The following COL22A1 variants were observed in gnomAD, a reference collection of about 807,000 sequenced individuals.
COL22A1 encodes collagen alpha-1(XXII) chain.
Under a neutral mutation model 248.9 loss-of-function variants are expected in COL22A1, and 221 were observed. That is an observed-to-expected ratio of 0.89 (90% CI 0.80 to 0.99). The LOEUF is 0.99. Among genes scored for constraint, COL22A1 ranks in the 50% least tolerant of loss-of-function variants. The probability of loss-of-function intolerance (pLI) is 0.00; values close to 1 mark genes in which losing one functional copy is unlikely to be tolerated. For missense variants in COL22A1, 2,240 were observed against 2,179.0 expected (o/e 1.03, Z -0.56); for synonymous variants, 891 against 793.4 (o/e 1.12, Z -2.07).
chr8:138,783,125 G>A (rs1359927068), intron 12 of COL22A1, among the ~76,000 whole-genome samples: 1 of 152,082 alleles, frequency 6.6e-6, no homozygotes, highest in Non-Finnish European at 1.5e-5. Context: ...AGCCTAGCAA[G>A]CAGTCATTCA....
Position 138,794,334 on chromosome 8 carries a change from C to T in COL22A1, c.1596+2485G>A, listed in dbSNP as rs1816313671. On this transcript the variant is annotated intron_variant, in intron 12 of 64. Transcript: ENST00000303045. ...CCCAGGAGGCAGAGGTTGCAGTGAA[C>T]CAAGATCGTGCCATTGCACTCTAGC... Among the ~76,000 whole-genome samples the T allele has an allele frequency of 1.3e-5, 2 of 151,700 alleles. 1 individual carries two copies. The highest frequency in any genetic ancestry group is 1.3e-4 in the Admixed American group (2 of 15,242).
At chr8:138,762,541 T>TGACCGTCATGGACAAG (rs1833572067) in intron 16 of COL22A1, 75 bp from the exon 17 acceptor site, 1 of 1,393,300 alleles carries the variant, frequency 7.2e-7, no homozygotes, top group Non-Finnish European at 1.0e-6. Flanking sequence ...ATCCCCACAG[T>TGACCGTCATGGACAAG]GACCGTCATG....
At chr8:138,762,748 C>G (rs529069889) in intron 16 of COL22A1, among the ~76,000 whole-genome samples, 27 of 115,542 alleles carry the variant, frequency 2.3e-4, no homozygotes, top group African/African-American at 5.5e-4. Context: ...GCCACACAGT[C>G]TCTTCATCTC....
At chr8:138,620,943 ATC>A (rs1819735302) in intron 52 of COL22A1, among the ~76,000 whole-genome samples, 1 of 28,794 alleles carries the variant, frequency 3.5e-5, no homozygotes, top group East Asian at 1.2e-3. Flanking sequence ...CCAACCAAGC[ATC>A]CATCCATCCA....
chr8:138,844,811 G>A (rs997370216), intron 3 of COL22A1, among the ~76,000 whole-genome samples: 2 of 152,054 alleles, frequency 1.3e-5, no homozygotes, highest in South Asian at 2.1e-4. Flanking sequence ...TTAGCCGGGC[G>A]TGGTGGCAGG....
intron 13 of COL22A1, 143 bp downstream of exon 13, chr8:138,780,784 A>G (rs1814896520): frequency 1.4e-6 from 1 of 726,584 alleles, no homozygotes. Flanking sequence ...AGCTCCTGGT[A>G]TCTGCGAGGA....
chr8:138,597,422 C>A (rs1272421646), intron 61 of COL22A1, among the ~76,000 whole-genome samples: 1 of 152,154 alleles, frequency 6.6e-6, no homozygotes, highest in East Asian at 1.9e-4. Context: ...GCTACTTGGC[C>A]ACTCTGGTTC....
intron 12 of COL22A1, among the ~76,000 whole-genome samples, chr8:138,796,412 T>G (rs1816539263): frequency 2.8e-5 from 4 of 144,054 alleles, no homozygotes; most frequent in Admixed American, 6.9e-5. Context: ...TTTTTTTTTT[T>G]TTTTTTGGTT....
intron 3 of COL22A1, among the ~76,000 whole-genome samples, chr8:138,851,866 G>A (rs1017559547): frequency 6.6e-6 from 1 of 152,196 alleles, no homozygotes; most frequent in African/African-American, 2.4e-5. Flanking sequence ...CAGTGAGAAA[G>A]ATGGAAATTG....
intron 62 of COL22A1, 96 bp from the exon 63 acceptor site, chr8:138,594,295 TAATAGCTGCA>T: frequency 9.3e-7 from 1 of 1,071,000 alleles, no homozygotes. Context: ...AGGGGGCCGA[TAATAGCTGCA>T]GAAACGGACA....
At chr8:138,868,614 G>A (rs1013576770) in intron 3 of COL22A1, among the ~76,000 whole-genome samples, 5 of 152,184 alleles carry the variant, frequency 3.3e-5, no homozygotes, top group Non-Finnish European at 5.9e-5. Flanking sequence ...TACATCATGT[G>A]TGTAAATGTA....
intron 44 of COL22A1, among the ~76,000 whole-genome samples, chr8:138,656,203 CTGT>C (rs1418269098): frequency 2.0e-5 from 3 of 152,228 alleles, no homozygotes; most frequent in Non-Finnish European, 4.4e-5. Flanking sequence ...TACTCTCCTT[CTGT>C]TTGCCCCTTC....
intron 42 of COL22A1, among the ~76,000 whole-genome samples, chr8:138,663,487 T>C (rs1234616976): frequency 1.3e-5 from 2 of 152,218 alleles, no homozygotes; most frequent in Non-Finnish European, 2.9e-5. Context: ...TTTGCCTGAC[T>C]ATAATATGGG....
At chr8:138,863,618 G>A (rs1010311481) in intron 3 of COL22A1, among the ~76,000 whole-genome samples, 1 of 152,180 alleles carries the variant, frequency 6.6e-6, no homozygotes, top group Non-Finnish European at 1.5e-5. Context: ...TGCCAGGAAG[G>A]AGGGGTGAGA....
At position 138,780,961 on chromosome 8, in the gene COL22A1, C is replaced by T; in HGVS notation, c.1616G>A (p.Gly539Asp). 6.2e-7 allele frequency: 1 copy of T among 1,607,366 alleles called. No homozygotes were observed. Among genetic ancestry groups the T allele is most frequent in the Non-Finnish European group, 8.5e-7 (1 of 1,177,956 alleles). ...KGEKGSLGLP[G>D]PPGRDGSKGM... Reference sequence around the variant, plus strand: ...TTTGCTGCCGTCTCTCCCAGGGGGGCCGGGCAGGCCCAGGGAACCCTAAAG... The same window carrying T: ...TTTGCTGCCGTCTCTCCCAGGGGGGTCGGGCAGGCCCAGGGAACCCTAAAG... Residue 539 changes from glycine to aspartate, a missense_variant, in exon 13 of 65, where the codon GGC (glycine) becomes GAC (aspartate). Physicochemically the swap from Gly to Asp is moderately conservative, Grantham distance 94 (BLOSUM62 -1). Transcript: ENST00000303045.
intron 50 of COL22A1, among the ~76,000 whole-genome samples, chr8:138,629,162 G>T (rs1409602090): frequency 2.7e-5 from 4 of 149,494 alleles, no homozygotes; most frequent in Non-Finnish European, 4.4e-5. Flanking sequence ...GTTTTTATTA[G>T]GGAAATCATT....
intron 23 of COL22A1, among the ~76,000 whole-genome samples, chr8:138,735,556 T>C (rs1350653922): frequency 6.6e-6 from 1 of 152,206 alleles, no homozygotes; most frequent in Non-Finnish European, 1.5e-5. Flanking sequence ...AATAATTTGA[T>C]CGAGCTGCAT....
At chr8:138,726,885 G>A (rs1428352157) in intron 23 of COL22A1, among the ~76,000 whole-genome samples, 2 of 152,282 alleles carry the variant, frequency 1.3e-5, no homozygotes, top group Non-Finnish European at 2.9e-5. Context: ...AACTGAAGGA[G>A]CACAAGAAGA....
At chr8:138,658,764 A>G (rs1368544235) in intron 44 of COL22A1, among the ~76,000 whole-genome samples, 1 of 152,160 alleles carries the variant, frequency 6.6e-6, no homozygotes, top group Non-Finnish European at 1.5e-5. Flanking sequence ...GGAATCCCTG[A>G]GACAACCATG....
Sources: gnomAD v4.1 joint callset for allele counts (sites outside exome capture counted in the v4.1 genomes callset) on GRCh38, gnomAD v4.1.1 for gene constraint, MANE v1.5 for transcripts, NCBI Gene and HGNC (gene_info 2026-07-23, HGNC 2026-07-21) for gene names.